Variants in IRF7 observed in about 807,000 individuals in gnomAD.
IRF7 encodes the protein interferon regulatory factor-7H.
A neutral mutation model predicts 51.3 loss-of-function variants in IRF7; 67 were observed. The observed-to-expected ratio is 1.31, with a 90% CI of 1.07 to 1.60. The LOEUF (loss-of-function observed/expected upper bound fraction) is 1.60. IRF7 is among the 40% of genes most tolerant of loss of function. IRF7 has a pLI of 0.00. For synonymous variants in IRF7, 427 were observed against 301.3 expected, an observed-to-expected ratio of 1.42 and a Z score of -4.32; for missense variants, 873 against 701.5, an observed-to-expected ratio of 1.24 and a Z score of -2.76.
rs561433488 is a variant in IRF7, at chr11:615,121, G to T, written c.159C>A (p.Ser53Arg). The change falls in exon 3 of 11, where the codon AGC (serine) becomes AGA (arginine). Residue 53 changes from serine (S) to arginine (R), a missense_variant. Ser to Arg is a moderately radical substitution (Grantham distance 110). Coordinates refer to ENST00000525445, the MANE Select transcript of IRF7 (RefSeq NM_001572.5). ...CCTTGAAGATGCGCGCGTCGGCCTCGCTCAGGTCCTTGCGCGCGAAGTGCT... is the reference window on the plus strand; with the variant it reads ...CCTTGAAGATGCGCGCGTCGGCCTCTCTCAGGTCCTTGCGCGCGAAGTGCT... Reference protein sequence around the residue: ...PWKHFARKDLSEADARIFKAW... With the variant: ...PWKHFARKDLREADARIFKAW... 6.9e-6 allele frequency: 11 copies of T among 1,598,624 alleles called. No homozygotes were observed. Among genetic ancestry groups the T allele is most frequent in the Admixed American group, 5.0e-5 (3 of 59,514 alleles).
In IRF7 at chr11:612,742, G is replaced by A; in HGVS notation, c.1415C>T (p.Ser472Phe). ...LEGTQREGVSSLDSSSLSLCL... is the reference protein window; with the variant it reads ...LEGTQREGVSFLDSSSLSLCL... Reference sequence around the variant, plus strand: ...GAGGCTGAGGCTGCTGCTATCCAGGGAAGACACACCCTCACGCTGCGTGCC... The same window carrying A: ...GAGGCTGAGGCTGCTGCTATCCAGGAAAGACACACCCTCACGCTGCGTGCC... Residue 472 changes from serine (S) to phenylalanine (F), a missense_variant, in exon 11 of 11, where the codon TCC becomes TTC. Ser to Phe is a radical substitution (Grantham distance 155). Transcript: ENST00000525445. 6.2e-7 allele frequency: 1 copy of A among 1,612,640 alleles called. No individual in the cohort carries two copies. Among genetic ancestry groups the A allele is most frequent in the Non-Finnish European group, 8.5e-7 (1 of 1,180,000 alleles).
At position 614,778 on chromosome 11, in the gene IRF7, G is replaced by A. The variant is rs914179670; in HGVS notation, c.394+19C>T. ...AAGCAGGACGAATGCCAACGCCCTT[G>A]GCAGCCGGCGTCGCTCACCTCGCCA... On this transcript the variant is annotated intron_variant, in intron 4 of 10. Transcript: ENST00000525445. 2 of 1,526,278 alleles carry A rather than the reference G, an allele frequency of 1.3e-6. No individual in the cohort carries two copies. The highest frequency in any genetic ancestry group is 1.4e-5 in the African/African-American group (1 of 72,232). The allele number at this position is 1,526,278 out of a possible 1,614,324, so 94.5% of individuals were successfully genotyped here.
intron 4 of IRF7, 130 bp downstream of exon 4, chr11:614,667 T>C (rs1856713491): frequency 7.3e-7 from 1 of 1,374,864 alleles, no homozygotes. Flanking sequence ...GATGTGGCTC[T>C]CCACCTGTCC....
Position 613,478 on chromosome 11 carries a change from C to G in IRF7, c.965G>C (p.Arg322Pro), listed in dbSNP as rs780135940. The change falls in exon 9 of 11, where the codon CGG becomes CCG. Residue 322 changes from arginine to proline, a missense_variant. Coordinates refer to ENST00000525445, the MANE Select transcript of IRF7 (RefSeq NM_001572.5). ...FLYGPPDPAV[R>P]ATDPQQVAFP... ...TGCTACCTGCTGGGGGTCTGTGGCC[C>G]GGACAGCTGGGTCTGGGGGGCCGTA... 4.5e-6 allele frequency: 7 copies of G among 1,542,548 alleles called. No homozygotes were observed. The highest frequency in any genetic ancestry group is 6.1e-6 in the Non-Finnish European group (7 of 1,146,274).
chr11:614,991 C>T lies in IRF7; in HGVS notation c.200G>A (p.Arg67His). 1 of 1,545,462 alleles carries T rather than the reference C, an allele frequency of 6.5e-7. No homozygotes were observed. Among genetic ancestry groups the T allele is most frequent in the Non-Finnish European group, 8.7e-7 (1 of 1,150,814 alleles). Residue 67 changes from arginine to histidine, a missense_variant, in exon 4 of 11, where the codon CGC becomes CAC. Arg to His is a conservative substitution (Grantham distance 29, BLOSUM62 0). Transcript: ENST00000525445. ...ARIFKAWAVA[R>H]GRWPPSSRGG... ...CCTGCTGCTAGGCGGCCACCTGCCG[C>T]GGGCCACAGCCCAGGCCTGAAGAGG...
chr11:613,716 T>C, intron 8 of IRF7, 69 bp downstream of exon 8: 1 of 483,304 alleles, frequency 2.1e-6, no homozygotes, highest in East Asian at 2.2e-4. Flanking sequence ...GAGTGATGGG[T>C]GGGCGGGGAC....
rs755648487 is a variant in IRF7, at chr11:615,391, G to A, written c.-27C>T. Reference sequence around the variant, plus strand: ...GCTCCTTCTGCAGGGGCAGTTAGGTGGCGGTCAGGTGTTATAACAGGGGAG... The same window carrying A: ...GCTCCTTCTGCAGGGGCAGTTAGGTAGCGGTCAGGTGTTATAACAGGGGAG... On this transcript the variant is annotated 5_prime_UTR_variant, in exon 2 of 11. Coordinates refer to ENST00000525445, the MANE Select transcript of IRF7 (RefSeq NM_001572.5). The A allele has an allele frequency of 7.4e-6, 11 of 1,487,188 alleles. No homozygotes were observed. The highest frequency in any genetic ancestry group is 1.4e-5 in the African/African-American group (1 of 71,486). The allele number at this position is 1,487,188 out of a possible 1,614,324, so 92.1% of individuals were successfully genotyped here. A position where few individuals can be genotyped will look rare whatever the true frequency, so the allele number is the denominator to read the frequency against.
At chr11:614,654 G>T in intron 4 of IRF7, 120 bp from the exon 5 acceptor site, 2 of 1,401,762 alleles carry the variant, frequency 1.4e-6, no homozygotes, top group Non-Finnish European at 9.7e-7. Flanking sequence ...CTGAGGAGGT[G>T]GGGATGTGGC....
At chr11:614,673 T>C in intron 4 of IRF7, 124 bp downstream of exon 4, 1 of 1,385,228 alleles carries the variant, frequency 7.2e-7, no homozygotes, top group South Asian at 1.4e-5. Flanking sequence ...GCTCTCCACC[T>C]GTCCTGGGCC....
rs746890167 is a variant in IRF7, at chr11:612,952, A to C, written c.1356+47T>G. ...GCTCTGAGGGCATCAGGCGTCTGTC[A>C]GTGGGCCTGAGCACATGGCCTCCCC... On this transcript the variant is annotated intron_variant, in intron 10 of 10. Transcript: ENST00000525445. 9.4e-6 allele frequency: 15 copies of C among 1,593,566 alleles called. No homozygotes were observed. The South Asian group carries it at 1.7e-4, about 18-fold the overall frequency.
chr11:613,534 C>T lies in IRF7; in HGVS notation c.909G>A (p.Lys303=). ...ACGTGCAGCTCGGGTGTCCCACCAC[C>T]TTCTGCAGCACCGTGCGGCCCTTGT... The part of the protein sequence containing the change: ...IMYKGRTVLQ[K]VVGHPSCTFL... Residue 303 remains lysine (K), a synonymous_variant, in exon 9 of 11, where the codon AAG becomes AAA. Coordinates refer to ENST00000525445, the MANE Select transcript of IRF7 (RefSeq NM_001572.5). The T allele has an allele frequency of 3.2e-6, 5 of 1,572,540 alleles. No homozygotes were observed. Among genetic ancestry groups the T allele is most frequent in the African/African-American group, 1.4e-5 (1 of 73,720 alleles).
At chr11:613,662 C>G (rs1328435523) in intron 8 of IRF7, 67 bp from the exon 9 acceptor site, 1 of 213,204 alleles carries the variant, frequency 4.7e-6, no homozygotes, top group Non-Finnish European at 7.7e-6. Context: ...CGGGGGTGGG[C>G]GGGGACAGGA....
At position 613,327 on chromosome 11, in the gene IRF7, G is replaced by T; in HGVS notation, c.1116C>A (p.Gly372=). The T allele has an allele frequency of 6.2e-7, 1 of 1,611,824 alleles. No individual in the cohort carries two copies. Among genetic ancestry groups the T allele is most frequent in the Non-Finnish European group, 8.5e-7 (1 of 1,179,636 alleles). Residue 372 remains glycine (G), a synonymous_variant, in exon 9 of 11, where the codon GGC becomes GGA. Coordinates refer to ENST00000525445, the MANE Select transcript of IRF7 (RefSeq NM_001572.5). ...RGPQLWARRM[G]KCKVYWEVGG... ...CCACCTCCCAGTACACCTTGCACTT[G>T]CCCATGCGCCGGGCCCACAGCTGTG...
chr11:612,573 A>G lies in IRF7; in HGVS notation c.*72T>C, dbSNP rs1589915624. On this transcript the variant is annotated 3_prime_UTR_variant, in exon 11 of 11. Transcript: ENST00000525445. ...CAGTACGTGTTCTGGAGTTCTTTTT[A>G]TTAGACTGGGCGGCCGCGGCCAGCT... The G allele has an allele frequency of 6.4e-7, 1 of 1,562,972 alleles. No homozygotes were observed. The highest frequency in any genetic ancestry group is 8.7e-7 in the Non-Finnish European group (1 of 1,147,086).
At position 613,378 on chromosome 11, in the gene IRF7, A is replaced by G; in HGVS notation, c.1065T>C (p.Pro355=). The change falls in exon 9 of 11, where the codon CCT becomes CCC. Residue 355 remains proline (P), a synonymous_variant. Transcript: ENST00000525445. ...GCCCCCGAAGCTCCAGGTGCAACCC[A>G]GGGGCCACGTGCCGCAGCAGTTCCT... ...YTEELLRHVA[P]GLHLELRGPQ... is the part of the protein sequence containing the mutation. 6.2e-7 allele frequency: 1 copy of G among 1,604,696 alleles called. No individual in the cohort carries two copies. Among genetic ancestry groups the G allele is most frequent in the Non-Finnish European group, 8.5e-7 (1 of 1,176,988 alleles).
In IRF7 at chr11:615,079, C is replaced by A; in HGVS notation, c.183+18G>T. 6.4e-7 allele frequency: 1 copy of A among 1,567,780 alleles called. No individual in the cohort carries two copies. Among genetic ancestry groups the A allele is most frequent in the Admixed American group, 1.8e-5 (1 of 55,472 alleles). On this transcript the variant is annotated intron_variant, in intron 3 of 10. Coordinates refer to ENST00000525445, the MANE Select transcript of IRF7 (RefSeq NM_001572.5). ...GCGGGCTCTCCCACCCGGGGCGGGG[C>A]GGGGCTGGGGTCCCCACCTTGAAGA... is the stretch of plus-strand genomic sequence containing the variant.
chr11:614,013 A>G lies in IRF7; in HGVS notation c.704T>C (p.Leu235Pro). The G allele has an allele frequency of 6.2e-7, 1 of 1,609,226 alleles. No individual in the cohort carries two copies. The highest frequency in any genetic ancestry group is 8.5e-7 in the Non-Finnish European group (1 of 1,178,618). Residue 235 changes from leucine to proline, a missense_variant, in exon 7 of 11, where the codon CTG becomes CCG. Transcript: ENST00000525445. ...AGGPGLPAGE[L>P]YGWAVETTPS... ...GGTCGTCTCTACTGCCCACCCGTAC[A>G]GCTCCCCAGCAGGGAGCCCTGGGCC...
At position 612,638 on chromosome 11, in the gene IRF7, C is replaced by G. The variant is rs761640215; in HGVS notation, c.*7G>C. Reference sequence around the variant, plus strand: ...CCAGCTTTCTGGAGTTCTCATTAGACTGGGTTCTAGGCGGGCTGCTCCAGC... The same window carrying G: ...CCAGCTTTCTGGAGTTCTCATTAGAGTGGGTTCTAGGCGGGCTGCTCCAGC... On this transcript the variant is annotated 3_prime_UTR_variant, in exon 11 of 11. Transcript: ENST00000525445. 6.8e-6 allele frequency: 11 copies of G among 1,612,356 alleles called. No individual in the cohort carries two copies. Among genetic ancestry groups the G allele is most frequent in the Non-Finnish European group, 8.5e-6 (10 of 1,179,862 alleles).
In IRF7 at chr11:615,083, G is replaced by A. The variant is rs749643089; in HGVS notation, c.183+14C>T. 1.2e-5 allele frequency: 19 copies of A among 1,572,902 alleles called. No homozygotes were observed. Among genetic ancestry groups the A allele is most frequent in the Non-Finnish European group, 1.6e-5 (19 of 1,165,928 alleles). ...GCTCTCCCACCCGGGGCGGGGCGGG[G>A]CTGGGGTCCCCACCTTGAAGATGCG... On this transcript the variant is annotated intron_variant, in intron 3 of 10. Coordinates refer to ENST00000525445, the MANE Select transcript of IRF7 (RefSeq NM_001572.5).
Sources: allele counts gnomAD v4.1 joint callset, GRCh38; gene constraint gnomAD v4.1.1; transcripts MANE v1.5; gene names NCBI Gene and HGNC (gene_info 2026-07-23, HGNC 2026-07-21).